KCTD19: variants seen among roughly 807,000 people sequenced by gnomAD.
KCTD19 encodes BTB/POZ domain-containing protein KCTD19.
A neutral mutation model predicts 103.5 loss-of-function variants in KCTD19; 67 were observed. The ratio of observed to expected loss-of-function variants is 0.65; its 90% CI spans 0.53 to 0.79. The LOEUF is 0.79. Among genes scored for constraint, KCTD19 ranks in the 30% least tolerant of loss-of-function variants. The pLI, the probability that KCTD19 is intolerant of heterozygous loss-of-function variation, is 0.00. For synonymous variants in KCTD19, 439 were observed against 452.2 expected (o/e 0.97, Z 0.37); for missense variants, 980 against 1,136.1 (o/e 0.86, Z 1.98).
At chr16:67,302,253 G>A (rs1567450208) in intron 4 of KCTD19, 1 of 252,610 alleles carries the variant, frequency 4.0e-6, no homozygotes, top group Non-Finnish European at 7.7e-6. Flanking sequence ...TCCAAAAGAG[G>A]GAGTTGTCTT....
At chr16:67,307,154 A>AT (rs960978372) in intron 2 of KCTD19, among the ~76,000 whole-genome samples, 140 of 145,726 alleles carry the variant, frequency 9.6e-4, no homozygotes, top group South Asian at 2.0e-3. Context: ...CCATCACGTC[A>AT]TTTTTTTTTT....
At chr16:67,296,636 G>A (rs182216604) in intron 7 of KCTD19, among the ~76,000 whole-genome samples, 126 of 152,250 alleles carry the variant, frequency 8.3e-4, no homozygotes, top group Admixed American at 2.8e-3. Flanking sequence ...TATGTTCGTG[G>A]TTTGGCAAAT....
At position 67,323,065 on chromosome 16, in the gene KCTD19, G is replaced by A. The variant is rs74845115; in HGVS notation, c.4-2180C>T. ...AAAACAATAGGTAATAACAAGTGTC[G>A]ACAAAGAAACCAGAACCCCCATGCA... On this transcript the variant is annotated intron_variant, in intron 1 of 15. Coordinates refer to ENST00000304372, the MANE Select transcript of KCTD19 (RefSeq NM_001100915.3). This position sits in a 1 kb window ranked among gnomAD's most constrained non-coding sequence, Gnocchi z 4.1. 0.081 allele frequency among the ~76,000 whole-genome samples: 12,385 copies of A among 152,118 alleles called. 790 individuals are homozygous for A. Among genetic ancestry groups the A allele is most frequent in the African/African-American group, 0.18 (7,503 of 41,470 alleles).
chr16:67,302,133 C>A, intron 4 of KCTD19: 1 of 467,238 alleles, frequency 2.1e-6, no homozygotes, highest in Non-Finnish European at 3.9e-6. Context: ...TGTCTGAGGC[C>A]GTGGGTGTGG....
Position 67,295,040 on chromosome 16 carries a change from A to G in KCTD19, c.1408T>C (p.Cys470Arg). The G allele has an allele frequency of 6.2e-7, 1 of 1,614,018 alleles. No homozygotes were observed. Among genetic ancestry groups the G allele is most frequent in the Non-Finnish European group, 8.5e-7 (1 of 1,179,854 alleles). The change falls in exon 10 of 16, where the codon TGC becomes CGC. Residue 470 changes from cysteine (C) to arginine (R), a missense_variant. By Grantham distance (180) the Cys-to-Arg change is radical (BLOSUM62 -3). Transcript: ENST00000304372. ...ATGTGGTATTCCTCCACCTCCTGGCAGAAGAGGGGCCATTCCCTGCAAACA... is the reference window on the plus strand; with the variant it reads ...ATGTGGTATTCCTCCACCTCCTGGCGGAAGAGGGGCCATTCCCTGCAAACA... The part of the protein sequence containing the change: ...PSEFKEWPLF[C>R]QEVEEYHIPS...
intron 2 of KCTD19, among the ~76,000 whole-genome samples, chr16:67,316,280 C>T (rs1275039021): frequency 6.6e-6 from 1 of 150,718 alleles, no homozygotes; most frequent in Non-Finnish European, 1.5e-5. Context: ...GCTCAAGAAT[C>T]CTCCTGCCTT....
In KCTD19 at chr16:67,320,836, T is replaced by C. The variant is rs772879109; in HGVS notation, c.53A>G (p.Asn18Ser). ...AACTGAGAAATGCCAGCCCCCTACG[T>C]TGAAATGAAACAAGTCCTCTGCTGA... ...HESAEDLFHFNVGGWHFSVPR... is the reference protein window; with the variant it reads ...HESAEDLFHFSVGGWHFSVPR... Residue 18 changes from asparagine to serine, a missense_variant, in exon 2 of 16, where the codon AAC becomes AGC. Coordinates refer to ENST00000304372, the MANE Select transcript of KCTD19 (RefSeq NM_001100915.3). This position sits in a 1 kb window ranked among gnomAD's most constrained non-coding sequence, Gnocchi z 4.0. 1.1e-5 allele frequency: 17 copies of C among 1,613,926 alleles called. No individual in the cohort carries two copies. In the Admixed American group the frequency reaches 1.5e-4, roughly 14 times the overall value.
chr16:67,298,849 C>T (rs1567449142), intron 6 of KCTD19, among the ~76,000 whole-genome samples: 1 of 152,252 alleles, frequency 6.6e-6, no homozygotes, highest in Non-Finnish European at 1.5e-5. Flanking sequence ...TGCCCCTGCA[C>T]TAATGAGGAC....
chr16:67,299,802 G>T, intron 5 of KCTD19: 1 of 542,560 alleles, frequency 1.8e-6, no homozygotes, highest in Admixed American at 3.6e-5. Context: ...GGAGTGGGGG[G>T]ATTCATTTGC....
intron 2 of KCTD19, 104 bp from the exon 3 acceptor site, chr16:67,304,675 T>C: frequency 9.3e-7 from 1 of 1,074,396 alleles, no homozygotes; most frequent in Non-Finnish European, 1.4e-6. Flanking sequence ...TACTTTTTTT[T>C]TTTTTTGAGA....
intron 9 of KCTD19, 64 bp from the exon 10 acceptor site, chr16:67,295,120 C>G (rs918350053): frequency 1.3e-6 from 2 of 1,563,034 alleles, no homozygotes; most frequent in African/African-American, 2.7e-5. Context: ...GGAGCATGAG[C>G]TCCTGGAACT....
In KCTD19 at chr16:67,303,067, C is replaced by T; in HGVS notation, c.643+79G>A. 6.8e-7 allele frequency: 1 copy of T among 1,463,366 alleles called. No individual in the cohort carries two copies. The allele number at this position is 1,463,366 out of a possible 1,614,324, so 90.6% of individuals were successfully genotyped here. A position where few individuals can be genotyped will look rare whatever the true frequency, so the allele number is the denominator to read the frequency against. On this transcript the variant is annotated intron_variant, in intron 4 of 15. Transcript: ENST00000304372. This position sits in a 1 kb window ranked among gnomAD's most constrained non-coding sequence, Gnocchi z 4.3. Reference sequence around the variant, plus strand: ...TGAGGCCCTGAGCACCAAGCTGGGCCTCTGTGGGACATGTGATGGGGAGGG... The same window carrying T: ...TGAGGCCCTGAGCACCAAGCTGGGCTTCTGTGGGACATGTGATGGGGAGGG...
rs575891496 is a variant in KCTD19 at position 67,312,897 on chromosome 16, T to G, written c.300+7692A>C. ...TTAACTGGTCTGTCTACTTCCTCCC[T>G]TGCTCTGCTGCAGTCTAGGCCAGGG... is the stretch of plus-strand genomic sequence containing the variant. On this transcript the variant is annotated intron_variant, in intron 2 of 15. Transcript: ENST00000304372. Among the ~76,000 whole-genome samples the G allele has an allele frequency of 3.4e-4, 52 of 152,288 alleles. No homozygotes were observed. The South Asian group carries it at 6.0e-3, about 18-fold the overall frequency.
At chr16:67,291,036 T>G in intron 14 of KCTD19, 50 bp from the exon 15 acceptor site, 1 of 1,577,584 alleles carries the variant, frequency 6.3e-7, no homozygotes, top group South Asian at 1.1e-5. Context: ...TCCTAGCCCC[T>G]CAGAGTGAGA....
chr16:67,311,539 G>A (rs1440311075), intron 2 of KCTD19, among the ~76,000 whole-genome samples: 1 of 152,124 alleles, frequency 6.6e-6, no homozygotes, highest in Non-Finnish European at 1.5e-5. Context: ...CTGACCTCAA[G>A]TGATCCACCT....
rs1353346499 is a variant in KCTD19 at position 67,320,316 on chromosome 16, C to G, written c.300+273G>C. Among the ~76,000 whole-genome samples the G allele has an allele frequency of 6.6e-6, 1 of 152,124 alleles. No individual in the cohort carries two copies. The highest frequency in any genetic ancestry group is 2.4e-5 in the African/African-American group (1 of 41,438). On this transcript the variant is annotated intron_variant, in intron 2 of 15. Transcript: ENST00000304372. This position sits in a 1 kb window ranked among gnomAD's most constrained non-coding sequence, Gnocchi z 4.0. ...GTGGGAGGTGGGAAGATCCTTTGGGCTTGGGAGGTGGAGGTTGCAGTGAGC... is the reference window on the plus strand; with the variant it reads ...GTGGGAGGTGGGAAGATCCTTTGGGGTTGGGAGGTGGAGGTTGCAGTGAGC...
In KCTD19 at chr16:67,323,997, G is replaced by T. The variant is rs79656987; in HGVS notation, c.3+2708C>A. ...ACATTACTGGAGGATGAATGCTATA[G>T]ATACCTTTTCATATATACAAAGGCA... On this transcript the variant is annotated intron_variant, in intron 1 of 15. Transcript: ENST00000304372. The surrounding 1 kb of genome is among the most constrained non-coding windows in gnomAD (Gnocchi z 4.1). 0.013 allele frequency among the ~76,000 whole-genome samples: 1,950 copies of T among 151,966 alleles called. 27 individuals are homozygous for T. The highest frequency in any genetic ancestry group is 0.021 in the Non-Finnish European group (1,455 of 67,992).
intron 1 of KCTD19, among the ~76,000 whole-genome samples, chr16:67,325,699 T>G (rs1009872596): frequency 6.6e-6 from 1 of 152,142 alleles, no homozygotes; most frequent in African/African-American, 2.4e-5. Context: ...CAGGGGCTGG[T>G]TAGTGCAGAG....
intron 2 of KCTD19, among the ~76,000 whole-genome samples, chr16:67,313,902 G>A (rs566970378): frequency 2.0e-5 from 3 of 151,622 alleles, no homozygotes; most frequent in Non-Finnish European, 4.4e-5. Flanking sequence ...TGTCACCCAG[G>A]CTGGGATGCA....
Sources: allele counts gnomAD v4.1 joint callset (sites outside exome capture counted in the v4.1 genomes callset), GRCh38; gene constraint gnomAD v4.1.1; non-coding constraint Gnocchi (gnomAD v3.1); transcripts MANE v1.5; gene names NCBI Gene and HGNC (gene_info 2026-07-23, HGNC 2026-07-21).